Variants in STX17 observed in about 807,000 individuals in gnomAD.
The protein encoded by STX17 is syntaxin-17.
STX17 carries 29 observed loss-of-function variants against 35.9 expected under a neutral mutation model. The observed-to-expected ratio is 0.81, with a 90% CI of 0.60 to 1.10. The LOEUF is 1.10. Among genes scored for constraint, STX17 ranks in the 50% least tolerant of loss-of-function variants. The pLI is 0.00. For missense variants in STX17, 312 were observed against 352.3 expected (o/e 0.89, Z 0.92); for synonymous variants, 92 against 118.3 (o/e 0.78, Z 1.44).
At chr9:99,929,227 ATTT>A (rs770698451) in intron 3 of STX17, 3 of 145,874 alleles carry the variant, frequency 2.1e-5, no homozygotes, top group Non-Finnish European at 1.5e-5. Context: ...CTGGGCAGTA[ATTT>A]TTTTTTTTTT....
chr9:99,930,171 A>C (rs1267718532), intron 3 of STX17, among the ~76,000 whole-genome samples: 1 of 151,980 alleles, frequency 6.6e-6, no homozygotes, highest in African/African-American at 2.4e-5. Context: ...TTGGCCTCCC[A>C]TAGTGCTGGG....
chr9:99,937,818 G>A (rs1829267574), intron 3 of STX17: 1 of 152,010 alleles, frequency 6.6e-6, no homozygotes, highest in African/African-American at 2.4e-5. Flanking sequence ...GTAGGTGCTG[G>A]ATATTTTTAT....
Position 99,932,430 on chromosome 9 carries a change from G to A in STX17, c.189+3587G>A, listed in dbSNP as rs1829144358. Among the ~76,000 whole-genome samples the A allele has an allele frequency of 3.9e-5, 6 of 152,038 alleles. 1 individual carries two copies. The South Asian group carries it at 1.2e-3, about 32-fold the overall frequency. ...TTACTGCTTGCTAATTAGATGATAG[G>A]TCTAACAAGCAGAGACTATGTCTCC... On this transcript the variant is annotated intron_variant, in intron 3 of 7. Transcript: ENST00000259400.
At chr9:99,940,673 G>T (rs1398625525) in intron 3 of STX17, among the ~76,000 whole-genome samples, 1 of 151,878 alleles carries the variant, frequency 6.6e-6, no homozygotes, top group East Asian at 1.9e-4. Context: ...TAGAGACGGG[G>T]TTTCTTCATG....
At chr9:99,959,456 CTTTT>C (rs35078503) in intron 4 of STX17, among the ~76,000 whole-genome samples, 4 of 111,088 alleles carry the variant, frequency 3.6e-5, no homozygotes, top group African/African-American at 3.6e-5. Flanking sequence ...ATGGATAAAT[CTTTT>C]TTTTTTTTTT....
chr9:99,952,774 G>C (rs981421440), intron 4 of STX17, among the ~76,000 whole-genome samples: 31 of 151,026 alleles, frequency 2.1e-4, no homozygotes, highest in African/African-American at 6.1e-4. Context: ...GTAAACTATC[G>C]CAAGGACAAA....
chr9:99,974,416 G>GC lies in STX17; in HGVS notation c.*5746dup. On this transcript the variant is annotated 3_prime_UTR_variant, in exon 8 of 8. Coordinates refer to ENST00000259400, the MANE Select transcript of STX17 (RefSeq NM_017919.3). ...TTAGCAAGGGTCAGCACGAGAAAAG[G>GC]CCCAATGGCAAGAATTTCTGCAAAC... 6.6e-6 allele frequency among the ~76,000 whole-genome samples: 1 copy of GC among 152,144 alleles called. No homozygotes were observed. Among genetic ancestry groups the GC allele is most frequent in the Admixed American group, 6.6e-5 (1 of 15,260 alleles).
Position 99,952,801 on chromosome 9 carries a change from G to A in STX17, c.415+1516G>A, listed in dbSNP as rs1269812750. On this transcript the variant is annotated intron_variant, in intron 4 of 7. Transcript: ENST00000259400. ...AAGGACAAAAAACCAAACACTGCAT[G>A]TTCTCACTCATAGGTGGGAATTGAA... Among the ~76,000 whole-genome samples, 17 of 149,070 alleles carry A rather than the reference G, an allele frequency of 1.1e-4. No individual in the cohort carries two copies. In the South Asian group the frequency reaches 3.0e-3, roughly 26 times the overall value.
chr9:99,915,291 C>T lies in STX17; in HGVS notation c.52C>T (p.Gln18Ter). The change falls in exon 2 of 8, where the codon CAG (glutamine) becomes TAG (stop). Residue 18 changes from glutamine (Q) to a stop codon, truncating the protein, a stop_gained. Coordinates refer to ENST00000259400, the MANE Select transcript of STX17 (RefSeq NM_017919.3). LOFTEE classifies it high-confidence loss of function. ...ATTACGCCGTCTTGAACCAGCTATC[C>T]AGAAATTCATTAAGATAGTAATCCC... ...VKLRRLEPAI[Q>*]KFIKIVIPTD... 2 of 1,612,460 alleles carry T rather than the reference C, an allele frequency of 1.2e-6. No individual in the cohort carries two copies. The highest frequency in any genetic ancestry group is 1.7e-6 in the Non-Finnish European group (2 of 1,179,306).
intron 1 of STX17, among the ~76,000 whole-genome samples, chr9:99,911,059 G>A (rs922101802): frequency 2.0e-5 from 3 of 150,204 alleles, no homozygotes; most frequent in African/African-American, 4.9e-5. Context: ...CTCCCTAGAC[G>A]GAGTCTCGCT....
chr9:99,926,928 T>G (rs1340272523), intron 2 of STX17, among the ~76,000 whole-genome samples: 3 of 152,246 alleles, frequency 2.0e-5, no homozygotes, highest in African/African-American at 7.2e-5. Context: ...GTTTTTCCAC[T>G]CTGACTTGTG....
intron 3 of STX17, among the ~76,000 whole-genome samples, chr9:99,931,504 T>C (rs63422460): frequency 6.6e-6 from 1 of 152,024 alleles, no homozygotes; most frequent in Non-Finnish European, 1.5e-5. Flanking sequence ...TTTTTTTTTT[T>C]TTCTTTAATT....
Position 99,968,754 on chromosome 9 carries a change from G to A in STX17, c.*81G>A, listed in dbSNP as rs1355354459. The A allele has an allele frequency of 2.6e-6, 4 of 1,543,108 alleles. No homozygotes were observed. In the East Asian group the frequency reaches 9.0e-5, roughly 35 times the overall value. ...CTGTTGGACACTCCGTCACCTTTTG[G>A]AACACAAGTATATCAAGATAGTGGC... On this transcript the variant is annotated 3_prime_UTR_variant, in exon 8 of 8. Coordinates refer to ENST00000259400, the MANE Select transcript of STX17 (RefSeq NM_017919.3).
At chr9:99,962,872 A>C (rs572745553) in intron 6 of STX17, among the ~76,000 whole-genome samples, 11 of 152,228 alleles carry the variant, frequency 7.2e-5, no homozygotes, top group Non-Finnish European at 1.3e-4. Context: ...CAGAAGCTCT[A>C]TTTAGGCACA....
chr9:99,939,799 AT>A (rs1829312443), intron 3 of STX17, among the ~76,000 whole-genome samples: 2 of 152,114 alleles, frequency 1.3e-5, no homozygotes, highest in African/African-American at 4.8e-5. Flanking sequence ...CATTTTGAAT[AT>A]TTCCCCTTAA....
chr9:99,938,798 G>A (rs1386562376), intron 3 of STX17, among the ~76,000 whole-genome samples: 1 of 150,048 alleles, frequency 6.7e-6, no homozygotes, highest in Non-Finnish European at 1.5e-5. Context: ...AAGGAAGGAA[G>A]GGAGGGAGGG....
intron 3 of STX17, among the ~76,000 whole-genome samples, chr9:99,942,870 GTTTCACTGTGTA>G (rs905936564): frequency 2.5e-4 from 38 of 151,908 alleles, no homozygotes; most frequent in African/African-American, 7.7e-4. Context: ...TTTCTGGGCT[GTTTCACTGTGTA>G]TTTGTCTTTT....
In STX17 at chr9:99,960,302, C is replaced by A. The variant is rs1006054121; in HGVS notation, c.582+147C>A. The A allele has an allele frequency of 1.3e-5, 11 of 824,444 alleles. No individual in the cohort carries two copies. The African/African-American group carries it at 1.7e-4, about 13-fold the overall frequency. 51.1% of individuals were successfully genotyped at this position (824,444 alleles called of 1,614,324 possible). A position where few individuals can be genotyped will look rare whatever the true frequency, so the allele number is the denominator to read the frequency against. ...CCATAGATAGAAGTTTAACTGTTCT[C>A]AAATTCCAGATTAATTCAAGAAACT... is the stretch of plus-strand genomic sequence containing the variant. On this transcript the variant is annotated intron_variant, in intron 6 of 7. Coordinates refer to ENST00000259400, the MANE Select transcript of STX17 (RefSeq NM_017919.3).
intron 3 of STX17, among the ~76,000 whole-genome samples, chr9:99,941,452 G>C (rs1197513631): frequency 6.6e-6 from 1 of 152,138 alleles, no homozygotes; most frequent in Non-Finnish European, 1.5e-5. Context: ...TTTTCTGAAA[G>C]TATTTAAGCT....
Sources: gnomAD v4.1 joint callset for allele counts (sites outside exome capture counted in the v4.1 genomes callset) on GRCh38, gnomAD v4.1.1 for gene constraint, MANE v1.5 for transcripts, NCBI Gene and HGNC (gene_info 2026-07-23, HGNC 2026-07-21) for gene names.